Variants in DLG1 observed in about 807,000 individuals in gnomAD.
DLG1 encodes the protein discs large MAGUK scaffold protein 1, also known as disks large homolog 1.
DLG1 carries 42 observed loss-of-function variants against 123.4 expected under a neutral mutation model. The observed-to-expected ratio is 0.34, with a 90% CI of 0.27 to 0.44. The LOEUF (loss-of-function observed/expected upper bound fraction) is 0.44. Among genes scored for constraint, DLG1 ranks in the 20% least tolerant of loss-of-function variants. The probability of loss-of-function intolerance (pLI) is 1.00; values close to 1 mark genes in which losing one functional copy is unlikely to be tolerated. For missense variants in DLG1, 942 were observed against 1,082.6 expected (o/e 0.87, Z 1.82); for synonymous variants, 317 against 356.2 (o/e 0.89, Z 1.24).
intron 3 of DLG1, among the ~76,000 whole-genome samples, chr3:197,288,741 A>ACATACATACAT (rs1213910267): frequency 2.2e-4 from 14 of 63,428 alleles, no homozygotes; most frequent in African/African-American, 1.1e-3. Context: ...AAAAAAAAAA[A>ACATACATACAT]AAATACATAC....
chr3:197,272,657 T>C (rs1764407468), intron 4 of DLG1, among the ~76,000 whole-genome samples: 1 of 152,224 alleles, frequency 6.6e-6, no homozygotes, highest in South Asian at 2.1e-4. Flanking sequence ...TACAATGGAA[T>C]ATCATACAAC....
At chr3:197,215,031 T>C (rs1301406955) in intron 4 of DLG1, among the ~76,000 whole-genome samples, 2 of 152,220 alleles carry the variant, frequency 1.3e-5, no homozygotes, top group Non-Finnish European at 2.9e-5. Context: ...TTGCCAGCAA[T>C]TTAACACTAT....
intron 3 of DLG1, among the ~76,000 whole-genome samples, chr3:197,288,473 G>C (rs1772998311): frequency 6.6e-6 from 1 of 151,188 alleles, no homozygotes. Context: ...TGTAATCCCA[G>C]CACTTCGAGA....
intron 4 of DLG1, among the ~76,000 whole-genome samples, chr3:197,207,047 G>T (rs1404088128): frequency 6.6e-6 from 1 of 152,200 alleles, no homozygotes; most frequent in Non-Finnish European, 1.5e-5. Flanking sequence ...TCATTTCCAT[G>T]TATGATGTAT....
intron 5 of DLG1, among the ~76,000 whole-genome samples, chr3:197,187,962 G>A (rs569403334): frequency 6.6e-6 from 1 of 152,046 alleles, no homozygotes; most frequent in East Asian, 1.9e-4. Flanking sequence ...TTTATGCCAA[G>A]CCCTGAATAA....
At chr3:197,083,964 C>T (rs1390189394) in intron 16 of DLG1, among the ~76,000 whole-genome samples, 1 of 152,022 alleles carries the variant, frequency 6.6e-6, no homozygotes, top group African/African-American at 2.4e-5. Flanking sequence ...CAGAGCAAGA[C>T]CTTGTCTCTT....
At chr3:197,100,234 T>C (rs1435478274) in intron 14 of DLG1, among the ~76,000 whole-genome samples, 1 of 152,154 alleles carries the variant, frequency 6.6e-6, no homozygotes, top group Non-Finnish European at 1.5e-5. Context: ...CCACCTCTTC[T>C]CCCTTTGGTT....
chr3:197,065,954 T>C (rs1578408486), intron 20 of DLG1, 145 bp from the exon 21 acceptor site: 2 of 544,398 alleles, frequency 3.7e-6, no homozygotes, highest in African/African-American at 1.9e-5. Flanking sequence ...CAACCAAAGA[T>C]GCGTAACTTG....
intron 14 of DLG1, among the ~76,000 whole-genome samples, chr3:197,095,269 A>G (rs1396047578): frequency 6.6e-6 from 1 of 152,218 alleles, no homozygotes; most frequent in Admixed American, 6.5e-5. Flanking sequence ...ATCAAAAGTA[A>G]CATTAATACA....
chr3:197,271,747 C>T (rs1445952617), intron 4 of DLG1, among the ~76,000 whole-genome samples: 1 of 152,078 alleles, frequency 6.6e-6, no homozygotes, highest in Non-Finnish European at 1.5e-5. Flanking sequence ...ACTAAGATAA[C>T]ACAGAAGAAT....
In DLG1 at chr3:197,226,703, C is replaced by T. The variant is rs193149137; in HGVS notation, c.319-32114G>A. ...TCAGTATTTTCTAATACATCAAAATCACTTAAAATCTGGAAAAACATTACT... is the reference window on the plus strand; with the variant it reads ...TCAGTATTTTCTAATACATCAAAATTACTTAAAATCTGGAAAAACATTACT... On this transcript the variant is annotated intron_variant, in intron 4 of 24. Transcript: ENST00000667157. Among the ~76,000 whole-genome samples the T allele has an allele frequency of 1.7e-3, 266 of 152,256 alleles. 2 individuals carry two copies. Among genetic ancestry groups the T allele is most frequent in the Admixed American group, 4.4e-3 (68 of 15,300 alleles).
chr3:197,220,657 C>A (rs1253908725), intron 4 of DLG1, among the ~76,000 whole-genome samples: 1 of 145,888 alleles, frequency 6.9e-6, no homozygotes, highest in Non-Finnish European at 1.5e-5. Context: ...TTTCTTTGTA[C>A]CCCACCTATC....
intron 4 of DLG1, among the ~76,000 whole-genome samples, chr3:197,268,204 A>G (rs1762494627): frequency 6.6e-6 from 1 of 152,220 alleles, no homozygotes; most frequent in Admixed American, 6.5e-5. Flanking sequence ...AAGATTATTT[A>G]AATGATGAGT....
intron 10 of DLG1, among the ~76,000 whole-genome samples, chr3:197,132,660 T>C (rs1257966949): frequency 9.3e-6 from 1 of 107,482 alleles, no homozygotes; most frequent in Non-Finnish European, 1.9e-5. Flanking sequence ...AGCTGTGGCA[T>C]ACTGCTGAAA....
chr3:197,104,188 G>C (rs576415127), intron 14 of DLG1, among the ~76,000 whole-genome samples: 34 of 151,980 alleles, frequency 2.2e-4, no homozygotes, highest in Non-Finnish European at 4.7e-4. Flanking sequence ...AAAAAATCTG[G>C]GTGACCTAAT....
chr3:197,146,215 T>C (rs1790691845), intron 6 of DLG1, among the ~76,000 whole-genome samples: 1 of 151,810 alleles, frequency 6.6e-6, no homozygotes, highest in Non-Finnish European at 1.5e-5. Context: ...ACTGTGAAAA[T>C]GACTATACTG....
chr3:197,253,711 T>A (rs899300096), intron 4 of DLG1, among the ~76,000 whole-genome samples: 2 of 152,022 alleles, frequency 1.3e-5, no homozygotes, highest in African/African-American at 2.4e-5. Context: ...GAGAGGAAAG[T>A]AGGTGTGGCT....
chr3:197,220,236 T>C (rs1044466875), intron 4 of DLG1, among the ~76,000 whole-genome samples: 1 of 152,200 alleles, frequency 6.6e-6, no homozygotes, highest in Admixed American at 6.5e-5. Context: ...GAAAGACACA[T>C]ACCCTATTTT....
chr3:197,148,245 C>CAAAAAAAAAAAAAAAAAA lies in DLG1; in HGVS notation c.537+1497_537+1498insTTTTTTTTTTTTTTTTTT, dbSNP rs1300222676. Among the ~76,000 whole-genome samples the CAAAAAAAAAAAAAAAAAA allele has an allele frequency of 1.8e-3, 78 of 43,274 alleles. 16 individuals carry two copies. The highest frequency in any genetic ancestry group is 3.5e-3 in the African/African-American group (29 of 8,400). The allele number at this position is 43,274 out of a possible 152,430, so 28.4% of individuals were successfully genotyped here. On this transcript the variant is annotated intron_variant, in intron 6 of 24. Transcript: ENST00000667157. ...TAAAACCCCATCTCTACCAAAAATA[C>CAAAAAAAAAAAAAAAAAA]AAAAAAAAAAAAAAAATAGCCAGTC...
Sources: allele counts gnomAD v4.1 joint callset (sites outside exome capture counted in the v4.1 genomes callset), GRCh38; gene constraint gnomAD v4.1.1; transcripts MANE v1.5; gene names NCBI Gene and HGNC (gene_info 2026-07-23, HGNC 2026-07-21).